REST: variants seen among roughly 807,000 people sequenced by gnomAD.
The protein encoded by REST is RE1-silencing transcription factor.
A neutral mutation model predicts 30.4 loss-of-function variants in REST; 1 was observed. The ratio of observed to expected loss-of-function variants is 0.03; its 90% confidence interval spans 0.01 to 0.16. The LOEUF is 0.16. Among genes scored for constraint, REST ranks in the 10% least tolerant of loss-of-function variants. REST has a pLI of 1.00. For synonymous variants in REST, 504 were observed against 451.1 expected, an observed-to-expected ratio of 1.12 and a Z score of -1.49; for missense variants, 1,259 against 1,329.5, an observed-to-expected ratio of 0.95 and a Z score of 0.82.
At chr4:56,920,951 C>T (rs558112790) in intron 3 of REST, among the ~76,000 whole-genome samples, 2 of 152,116 alleles carry the variant, frequency 1.3e-5, no homozygotes, top group African/African-American at 2.4e-5. Flanking sequence ...CCGCAACCTC[C>T]GCTTCCCAGG....
intron 2 of REST, among the ~76,000 whole-genome samples, chr4:56,912,747 C>T (rs994151591): frequency 5.3e-5 from 8 of 151,774 alleles, no homozygotes; most frequent in African/African-American, 9.7e-5. Context: ...CTCCTGACCT[C>T]GTGATCCGCC....
intron 2 of REST, among the ~76,000 whole-genome samples, chr4:56,915,655 A>G (rs1720163077): frequency 1.3e-5 from 2 of 152,198 alleles, no homozygotes; most frequent in African/African-American, 4.8e-5. Flanking sequence ...TCTGAAAATT[A>G]TGGAAAATAA....
chr4:56,911,987 GTATT>G (rs1211236967), intron 2 of REST, among the ~76,000 whole-genome samples: 2 of 152,140 alleles, frequency 1.3e-5, no homozygotes, highest in Non-Finnish European at 2.9e-5. Flanking sequence ...AAAAGTTTGT[GTATT>G]TATTTCTGTG....
rs1720912289 is a variant in REST at position 56,930,556 on chromosome 4, G to A, written c.1698G>A (p.Glu566=). The change falls in exon 4 of 4, where the codon GAG becomes GAA. Residue 566 remains glutamate, a synonymous_variant. Coordinates refer to ENST00000309042, the MANE Select transcript of REST (RefSeq NM_005612.5). ...TGCCAAAGGGTGACAGCAAAGTGGA[G>A]GAGAATAAAAAGCAAAATACTTGCA... ...QEVPKGDSKV[E]ENKKQNTCMK... The A allele has an allele frequency of 1.9e-6, 3 of 1,611,976 alleles. No individual in the cohort carries two copies. In the Middle Eastern group the frequency reaches 5.0e-4, roughly 266 times the overall value.
At position 56,931,653 on chromosome 4, in the gene REST, A is replaced by C. The variant is rs771546534; in HGVS notation, c.2795A>C (p.Glu932Ala). 6.2e-7 allele frequency: 1 copy of C among 1,614,252 alleles called. No individual in the cohort carries two copies. The change falls in exon 4 of 4, where the codon GAA becomes GCA. Residue 932 changes from glutamate to alanine, a missense_variant. By Grantham distance (107) the Glu-to-Ala change is moderately radical (BLOSUM62 -1). This residue lies in a region of REST where 856 missense variants were observed against 772.8 expected (regional missense o/e 1.11). Transcript: ENST00000309042. ...SGQNLNTPEG[E>A]TLNGKHQTDS... Reference sequence around the variant, plus strand: ...CAAAACTTGAATACGCCAGAGGGTGAAACTTTAAATGGTAAACATCAGACT... The same window carrying C: ...CAAAACTTGAATACGCCAGAGGGTGCAACTTTAAATGGTAAACATCAGACT...
At chr4:56,920,823 G>A (rs1422135314) in intron 3 of REST, among the ~76,000 whole-genome samples, 1 of 152,112 alleles carries the variant, frequency 6.6e-6, no homozygotes, top group Non-Finnish European at 1.5e-5. Flanking sequence ...GCTTGAATGG[G>A]TAGCCCTGAT....
chr4:56,911,079 G>T lies in REST; in HGVS notation c.441G>T (p.Ala147=). 6.2e-7 allele frequency: 1 copy of T among 1,614,176 alleles called. No individual in the cohort carries two copies. Among genetic ancestry groups the T allele is most frequent in the Non-Finnish European group, 8.5e-7 (1 of 1,180,040 alleles). ...NKDLPPETPG[A]EDKGKSSKTK... ...ATCTTCCCCCTGAAACACCTGGAGC[G>T]GAGGACAAAGGCAAGAGCTCGAAGA... Residue 147 remains alanine, a synonymous_variant, in exon 2 of 4, where the codon GCG becomes GCT. Coordinates refer to ENST00000309042, the MANE Select transcript of REST (RefSeq NM_005612.5).
chr4:56,925,016 T>C (rs1261705934), intron 3 of REST, among the ~76,000 whole-genome samples: 1 of 151,928 alleles, frequency 6.6e-6, no homozygotes, highest in Non-Finnish European at 1.5e-5. Flanking sequence ...AATACAAAAA[T>C]TAGCCTGGCA....
intron 3 of REST, among the ~76,000 whole-genome samples, chr4:56,924,361 T>A (rs1167026942): frequency 6.6e-6 from 1 of 152,218 alleles, no homozygotes; most frequent in African/African-American, 2.4e-5. Flanking sequence ...CCTATTTGAT[T>A]ATCACTCAAG....
intron 2 of REST, among the ~76,000 whole-genome samples, chr4:56,917,405 G>A (rs1720252757): frequency 6.6e-6 from 1 of 152,130 alleles, no homozygotes; most frequent in Admixed American, 6.6e-5. Flanking sequence ...GCTCACTGAA[G>A]CCTCGGCCTT....
chr4:56,928,953 C>A (rs1578511365), intron 3 of REST, among the ~76,000 whole-genome samples: 1 of 151,794 alleles, frequency 6.6e-6, no homozygotes, highest in Admixed American at 6.6e-5. Context: ...GGTTGGAGTT[C>A]AGTAGCACAT....
At position 56,910,872 on chromosome 4, in the gene REST, G is replaced by A. The variant is rs61748752; in HGVS notation, c.234G>A (p.Pro78=). 1.2e-6 allele frequency: 2 copies of A among 1,613,990 alleles called. No homozygotes were observed. The highest frequency in any genetic ancestry group is 1.7e-6 in the Non-Finnish European group (2 of 1,180,016). The change falls in exon 2 of 4, where the codon CCG becomes CCA. Residue 78 remains proline, a synonymous_variant. Coordinates refer to ENST00000309042, the MANE Select transcript of REST (RefSeq NM_005612.5). ...AAAGACAGATGGCAGAACTGATGCC[G>A]GTTGGGGATAACAACTTTTCAGATA... The part of the protein sequence containing the change: ...GEERQMAELM[P]VGDNNFSDSE...
chr4:56,927,584 C>T (rs1030744530), intron 3 of REST: 2 of 952,820 alleles, frequency 2.1e-6, no homozygotes, highest in Middle Eastern at 2.7e-4. Context: ...TGTCAATTTC[C>T]GTTTTTCTAC....
chr4:56,919,709 A>G (rs1444744749), intron 2 of REST, 78 bp from the exon 3 acceptor site: 2 of 824,168 alleles, frequency 2.4e-6, no homozygotes, highest in South Asian at 1.9e-5. Flanking sequence ...AGCGCTGAAC[A>G]TTGTTGCATT....
intron 3 of REST, among the ~76,000 whole-genome samples, chr4:56,926,637 C>T (rs1720724863): frequency 6.6e-6 from 1 of 151,976 alleles, no homozygotes; most frequent in Admixed American, 6.6e-5. Context: ...ACCCACCGCG[C>T]CCTGCTGAGT....
Position 56,908,202 on chromosome 4 carries a change from C to CGAG in REST, c.-18_-16dup, listed in dbSNP as rs1719706299. Reference sequence around the variant, plus strand: ...CTCAGGGTCGCCCGCCCCTCCTCACCGAGGAAGGCCGGTAAGTGGGGCGCT... The same window carrying CGAG: ...CTCAGGGTCGCCCGCCCCTCCTCACCGAGGAGGAAGGCCGGTAAGTGGGGCGCT... On this transcript the variant is annotated 5_prime_UTR_variant, in exon 1 of 4. Coordinates refer to ENST00000309042, the MANE Select transcript of REST (RefSeq NM_005612.5). 1 of 170,594 alleles carries CGAG rather than the reference C, an allele frequency of 5.9e-6. No individual in the cohort carries two copies. The allele number at this position is 170,594 out of a possible 1,614,324, so 10.6% of individuals were successfully genotyped here.
chr4:56,925,315 C>T (rs937220811), intron 3 of REST, among the ~76,000 whole-genome samples: 8 of 152,064 alleles, frequency 5.3e-5, no homozygotes, highest in South Asian at 2.1e-4. Flanking sequence ...TAGGCTCAAA[C>T]GATCCTCCCA....
Position 56,930,777 on chromosome 4 carries a change from A to G in REST, c.1919A>G (p.Glu640Gly). The G allele has an allele frequency of 6.2e-7, 1 of 1,605,134 alleles. No homozygotes were observed. Among genetic ancestry groups the G allele is most frequent in the South Asian group, 1.1e-5 (1 of 90,140 alleles). Residue 640 changes from glutamate (E) to glycine (G), a missense_variant, in exon 4 of 4, where the codon GAG (glutamate) becomes GGG (glycine). Transcript: ENST00000309042. Reference sequence around the variant, plus strand: ...CCTCCCATGGAGCATGCTCAGATGGAGGGTGCCCAGATACGGCCTGCTCCT... The same window carrying G: ...CCTCCCATGGAGCATGCTCAGATGGGGGGTGCCCAGATACGGCCTGCTCCT... ...PPPPMEHAQM[E>G]GAQIRPAPDE... is the part of the protein sequence containing the mutation.
At chr4:56,927,619 G>T (rs1193572141) in intron 3 of REST, 3 of 1,188,734 alleles carry the variant, frequency 2.5e-6, no homozygotes, top group Non-Finnish European at 3.2e-6. Flanking sequence ...GACCAGTGGG[G>T]TATGGATACC....
Sources: gnomAD v4.1 joint callset for allele counts (sites outside exome capture counted in the v4.1 genomes callset) on GRCh38, gnomAD v4.1.1 for gene constraint, gnomAD v4.1.1 regional missense constraint, MANE v1.5 for transcripts, NCBI Gene and HGNC (gene_info 2026-07-23, HGNC 2026-07-21) for gene names.